Variants in FAM107B observed in about 807,000 individuals in gnomAD.
FAM107B encodes protein FAM107B.
In FAM107B, 21 loss-of-function variants were observed where a neutral mutation model predicts 31.5. The observed-to-expected ratio is 0.67, with a 90% CI of 0.47 to 0.96. The LOEUF is 0.96. FAM107B is among the 40% of genes least tolerant of loss of function. The pLI is 0.00. For missense variants in FAM107B, 452 were observed against 377.1 expected (o/e 1.20, Z -1.64); for synonymous variants, 157 against 141.5 (o/e 1.11, Z -0.78).
At chr10:14,548,420 T>C (rs1452178160) in intron 2 of FAM107B, 3 of 985,482 alleles carry the variant, frequency 3.0e-6, no homozygotes, top group Non-Finnish European at 3.6e-6. Flanking sequence ...TGAGGGTGCG[T>C]GGGGCGTAGG....
At chr10:14,587,292 G>T (rs1284303669) in intron 2 of FAM107B, among the ~76,000 whole-genome samples, 1 of 152,150 alleles carries the variant, frequency 6.6e-6, no homozygotes, top group Non-Finnish European at 1.5e-5. Context: ...TAATGACAGT[G>T]TAAGACACAA....
chr10:14,712,630 A>G (rs1203225340), intron 1 of FAM107B, among the ~76,000 whole-genome samples: 1 of 151,200 alleles, frequency 6.6e-6, no homozygotes, highest in Non-Finnish European at 1.5e-5. Context: ...AAAAAAAAAG[A>G]AGAAGAAGTT....
intron 2 of FAM107B, among the ~76,000 whole-genome samples, chr10:14,543,691 T>TAAAAAAAAAAAAAA (rs11318873): frequency 7.2e-6 from 1 of 138,854 alleles, no homozygotes. Flanking sequence ...CTAAAAACTT[T>TAAAAAAAAAAAAAA]AAAAAAAAAA....
At position 14,520,467 on chromosome 10, in the gene FAM107B, G is replaced by C. The variant is rs1845523580; in HGVS notation, c.*723C>G. On this transcript the variant is annotated 3_prime_UTR_variant, in exon 5 of 5. Coordinates refer to ENST00000181796, the MANE Select transcript of FAM107B (RefSeq NM_031453.4). ...AACAGAAACCCTCCTAGTAATCAAAGCAATTAATGAATGGACAGGATGTAC... is the reference window on the plus strand; with the variant it reads ...AACAGAAACCCTCCTAGTAATCAAACCAATTAATGAATGGACAGGATGTAC... The C allele has an allele frequency of 6.6e-6, 1 of 152,192 alleles. No homozygotes were observed. The highest frequency in any genetic ancestry group is 1.5e-5 in the Non-Finnish European group (1 of 68,040). The allele number at this position is 152,192 out of a possible 1,614,324, so 9.4% of individuals were successfully genotyped here.
intron 2 of FAM107B, among the ~76,000 whole-genome samples, chr10:14,639,380 T>C (rs1853577839): frequency 6.6e-6 from 1 of 152,158 alleles, no homozygotes; most frequent in Non-Finnish European, 1.5e-5. Context: ...CTGGGTACAG[T>C]CCTTTCTGTA....
chr10:14,739,273 C>T (rs577691136), intron 1 of FAM107B, among the ~76,000 whole-genome samples: 1 of 152,318 alleles, frequency 6.6e-6, no homozygotes, highest in South Asian at 2.1e-4. Flanking sequence ...CACGGTGTCC[C>T]ACCTTGGGAT....
chr10:14,586,916 G>A (rs894194197), intron 2 of FAM107B, among the ~76,000 whole-genome samples: 6 of 152,180 alleles, frequency 3.9e-5, no homozygotes, highest in African/African-American at 1.2e-4. Context: ...GAAGGCCCAA[G>A]AGGATGATAT....
At chr10:14,749,934 C>T (rs1454433132) in intron 1 of FAM107B, among the ~76,000 whole-genome samples, 1 of 152,178 alleles carries the variant, frequency 6.6e-6, no homozygotes, top group Non-Finnish European at 1.5e-5. Flanking sequence ...GGTCTAATCC[C>T]ACCTGGGAAC....
At chr10:14,622,114 T>A (rs926017802) in intron 2 of FAM107B, among the ~76,000 whole-genome samples, 2 of 152,172 alleles carry the variant, frequency 1.3e-5, no homozygotes, top group Non-Finnish European at 1.5e-5. Flanking sequence ...AAAGTCCATC[T>A]TTCAATATTC....
chr10:14,680,731 A>G (rs910426673), intron 1 of FAM107B, among the ~76,000 whole-genome samples: 2 of 152,120 alleles, frequency 1.3e-5, no homozygotes, highest in African/African-American at 4.8e-5. Flanking sequence ...ATGAGGGAGT[A>G]AAAAAAGGTG....
intron 1 of FAM107B, among the ~76,000 whole-genome samples, chr10:14,759,271 A>C (rs1173722799): frequency 6.6e-6 from 1 of 152,240 alleles, no homozygotes; most frequent in Non-Finnish European, 1.5e-5. Context: ...ACGTAGGTGA[A>C]AGAAGTATAG....
At chr10:14,669,228 G>T (rs1370779767) in intron 1 of FAM107B, among the ~76,000 whole-genome samples, 4 of 151,960 alleles carry the variant, frequency 2.6e-5, no homozygotes, top group African/African-American at 9.7e-5. Context: ...AAATTAGCTG[G>T]GTGTGGTTTT....
chr10:14,735,338 T>A (rs926347230), intron 1 of FAM107B, among the ~76,000 whole-genome samples: 1 of 152,158 alleles, frequency 6.6e-6, no homozygotes, highest in South Asian at 2.1e-4. Context: ...GTGAATCTTA[T>A]GTGTGGCCCA....
chr10:14,587,743 G>A (rs1411644085), intron 2 of FAM107B, among the ~76,000 whole-genome samples: 1 of 152,230 alleles, frequency 6.6e-6, no homozygotes, highest in Non-Finnish European at 1.5e-5. Flanking sequence ...GGTGAGGCAA[G>A]GTGGGTGACA....
intron 1 of FAM107B, among the ~76,000 whole-genome samples, chr10:14,767,381 C>A (rs183758642): frequency 6.3e-4 from 95 of 151,826 alleles, no homozygotes; most frequent in African/African-American, 1.9e-3. Context: ...CATGAGCCAC[C>A]GCACCCGGCC....
intron 1 of FAM107B, among the ~76,000 whole-genome samples, chr10:14,701,996 T>C (rs1254652544): frequency 2.0e-5 from 3 of 152,256 alleles, no homozygotes; most frequent in African/African-American, 4.8e-5. Context: ...GCTGCAGCAA[T>C]AGCTGCCCAC....
At position 14,519,003 on chromosome 10, in the gene FAM107B, T is replaced by C. The variant is rs1483610950; in HGVS notation, c.*2187A>G. 1 of 152,560 alleles carries C rather than the reference T, an allele frequency of 6.6e-6. No individual in the cohort carries two copies. The highest frequency in any genetic ancestry group is 1.9e-4 in the East Asian group (1 of 5,192). 9.5% of individuals were successfully genotyped at this position (152,560 alleles called of 1,614,324 possible). On this transcript the variant is annotated 3_prime_UTR_variant, in exon 5 of 5. Transcript: ENST00000181796. ...TTGTGAGCCCAGCTCATCTGACAAC[T>C]TCAAAGAGCTTCTCTGCCTATACAT...
At chr10:14,636,117 T>A (rs1227586658) in intron 2 of FAM107B, among the ~76,000 whole-genome samples, 1 of 152,152 alleles carries the variant, frequency 6.6e-6, no homozygotes, top group African/African-American at 2.4e-5. Context: ...CAACTACTTC[T>A]TCGATGCTCC....
At position 14,547,996 on chromosome 10, in the gene FAM107B, C is replaced by T. The variant is rs114379151; in HGVS notation, c.470-17481G>A. On this transcript the variant is annotated intron_variant, in intron 2 of 4. Coordinates refer to ENST00000181796, the MANE Select transcript of FAM107B (RefSeq NM_031453.4). ...CTTTTAATTAAAGTCTGTTTTCCCACTTCCCTCTCTTCAGACCACCTGGTG... is the reference window on the plus strand; with the variant it reads ...CTTTTAATTAAAGTCTGTTTTCCCATTTCCCTCTCTTCAGACCACCTGGTG... Among the ~76,000 whole-genome samples, 816 of 152,322 alleles carry T rather than the reference C, an allele frequency of 5.4e-3. 10 individuals carry two copies. The highest frequency in any genetic ancestry group is 0.019 in the African/African-American group (783 of 41,572).
Sources: allele counts gnomAD v4.1 joint callset (sites outside exome capture counted in the v4.1 genomes callset), GRCh38; gene constraint gnomAD v4.1.1; transcripts MANE v1.5; gene names NCBI Gene and HGNC (gene_info 2026-07-23, HGNC 2026-07-21).